Variants in CARMIL1 observed in about 807,000 individuals in gnomAD.
CARMIL1 encodes the protein capping protein regulator and myosin 1 linker 1.
A neutral mutation model predicts 177.1 loss-of-function variants in CARMIL1; 90 were observed. The observed-to-expected ratio is 0.51, with a 90% CI of 0.43 to 0.61. The LOEUF is 0.61. Among genes scored for constraint, CARMIL1 ranks in the 20% least tolerant of loss-of-function variants. The pLI, the probability that CARMIL1 is intolerant of heterozygous loss-of-function variation, is 0.00. For missense variants in CARMIL1, 1,380 were observed against 1,667.0 expected, an observed-to-expected ratio of 0.83 and a Z score of 3.00; for synonymous variants, 577 against 606.2, an observed-to-expected ratio of 0.95 and a Z score of 0.71.
At chr6:25,538,009 G>T in intron 25 of CARMIL1, 26 bp downstream of exon 25, 8 of 1,580,692 alleles carry the variant, frequency 5.1e-6, no homozygotes, top group Non-Finnish European at 6.9e-6. Context: ...GGCTGTGTGA[G>T]AGTCTGGTAT....
At chr6:25,306,503 C>G (rs1176159714) in intron 2 of CARMIL1, among the ~76,000 whole-genome samples, 2 of 152,168 alleles carry the variant, frequency 1.3e-5, no homozygotes, top group Admixed American at 6.5e-5. Context: ...CTCCTCCCCC[C>G]CACTTTTATT....
intron 2 of CARMIL1, among the ~76,000 whole-genome samples, chr6:25,334,072 A>G (rs1011824038): frequency 1.3e-5 from 2 of 152,174 alleles, no homozygotes; most frequent in African/African-American, 4.8e-5. Flanking sequence ...TCTTTCTTCA[A>G]AGACTCAGTT....
At position 25,368,012 on chromosome 6, in the gene CARMIL1, G is replaced by A. The variant is rs143101996; in HGVS notation, c.139-52102G>A. ...TGACCTCAAGTGATCTGCCTGCCTT[G>A]ACCTCCCAAAGTGTTGGGATTACAG... is the stretch of plus-strand genomic sequence containing the variant. On this transcript the variant is annotated intron_variant, in intron 2 of 36. Coordinates refer to ENST00000329474, the MANE Select transcript of CARMIL1 (RefSeq NM_017640.6). Among the ~76,000 whole-genome samples the A allele has an allele frequency of 1.5e-3, 225 of 152,272 alleles. 1 individual carries two copies. Among genetic ancestry groups the A allele is most frequent in the African/African-American group, 5.1e-3 (213 of 41,568 alleles).
At chr6:25,445,925 C>T (rs1217926372) in intron 5 of CARMIL1, among the ~76,000 whole-genome samples, 1 of 152,166 alleles carries the variant, frequency 6.6e-6, no homozygotes, top group Non-Finnish European at 1.5e-5. Context: ...ACTTCTCCAT[C>T]AGAACTCTTG....
At position 25,537,912 on chromosome 6, in the gene CARMIL1, G is replaced by T. The variant is rs41271819; in HGVS notation, c.2125G>T (p.Gly709Trp). Residue 709 changes from glycine to tryptophan, a missense_variant, in exon 25 of 37, where the codon GGG becomes TGG. Gly to Trp is a radical substitution (Grantham distance 184). Coordinates refer to ENST00000329474, the MANE Select transcript of CARMIL1 (RefSeq NM_017640.6). ...QDHLNSLRNC[G>W]GDAIQEDLKS... ...TCATCTCAACTCCTTACGAAATTGT[G>T]GGGGAGACGCTATCCAGGAAGATTT... 72 of 1,608,278 alleles carry T rather than the reference G, an allele frequency of 4.5e-5. No homozygotes were observed. Among genetic ancestry groups the T allele is most frequent in the Admixed American group, 3.2e-4 (19 of 59,284 alleles).
At chr6:25,312,923 A>C (rs1053695891) in intron 2 of CARMIL1, among the ~76,000 whole-genome samples, 5 of 151,402 alleles carry the variant, frequency 3.3e-5, no homozygotes, top group Non-Finnish European at 7.4e-5. Context: ...AAAAAAAAAA[A>C]AAAAAAAACC....
intron 2 of CARMIL1, among the ~76,000 whole-genome samples, chr6:25,365,250 G>A (rs895360927): frequency 2.6e-5 from 4 of 152,192 alleles, no homozygotes; most frequent in African/African-American, 7.2e-5. Flanking sequence ...GAGGATGGTT[G>A]TAGTATAGAG....
intron 13 of CARMIL1, among the ~76,000 whole-genome samples, chr6:25,490,166 C>G (rs1803062661): frequency 6.6e-6 from 1 of 151,996 alleles, no homozygotes; most frequent in African/African-American, 2.4e-5. Flanking sequence ...TTTACCTGAC[C>G]CTGTGCCCTC....
intron 26 of CARMIL1, among the ~76,000 whole-genome samples, chr6:25,547,743 T>C (rs181135218): frequency 3.0e-4 from 45 of 152,320 alleles, no homozygotes; most frequent in African/African-American, 9.4e-4. Context: ...TATAAATTTT[T>C]CTGGATGAGT....
chr6:25,509,672 C>T lies in CARMIL1; in HGVS notation c.1412C>T (p.Ala471Val), dbSNP rs770908546. Residue 471 changes from alanine (A) to valine (V), a missense_variant, in exon 18 of 37, where the codon GCT becomes GTT. By Grantham distance (64) the Ala-to-Val change is moderately conservative. Transcript: ENST00000329474. This position sits in a 1 kb window ranked among gnomAD's most constrained non-coding sequence, Gnocchi z 4.1. Reference protein sequence around the residue: ...LSNCELRSGGAQVLEGCIAEI... With the variant: ...LSNCELRSGGVQVLEGCIAEI... ...TTTCTCTAGCTGAGATCAGGAGGTGCTCAAGTATTAGAAGGTTGCATTGCT... is the reference window on the plus strand; with the variant it reads ...TTTCTCTAGCTGAGATCAGGAGGTGTTCAAGTATTAGAAGGTTGCATTGCT... The T allele has an allele frequency of 4.6e-5, 74 of 1,602,616 alleles. No individual in the cohort carries two copies. The highest frequency in any genetic ancestry group is 6.2e-5 in the Non-Finnish European group (73 of 1,173,998).
At chr6:25,555,714 A>C (rs1810548816) in intron 28 of CARMIL1, among the ~76,000 whole-genome samples, 1 of 151,986 alleles carries the variant, frequency 6.6e-6, no homozygotes, top group South Asian at 2.1e-4. Context: ...TCCTTTTAAA[A>C]TAAACTTATT....
intron 8 of CARMIL1, chr6:25,451,985 T>TTCCCCCCCCCCCCC: frequency 9.5e-6 from 1 of 105,384 alleles, no homozygotes; most frequent in South Asian, 8.7e-5. Context: ...ACTAGCATCT[T>TTCCCCCCCCCCCCC]GCCCCCCCCT....
intron 24 of CARMIL1, among the ~76,000 whole-genome samples, chr6:25,533,256 G>A (rs1231672810): frequency 6.6e-6 from 1 of 152,042 alleles, no homozygotes; most frequent in Non-Finnish European, 1.5e-5. Flanking sequence ...AATGTGCAGG[G>A]GCCTTTTCTC....
chr6:25,608,509 A>T (rs1382323035), intron 35 of CARMIL1, among the ~76,000 whole-genome samples: 1 of 152,182 alleles, frequency 6.6e-6, no homozygotes, highest in Non-Finnish European at 1.5e-5. Context: ...TCTAATGCTG[A>T]ATATAAAACT....
rs373424069 is a variant in CARMIL1 at position 25,619,548 on chromosome 6, G to A, written c.4081G>A (p.Gly1361Arg). 1.3e-5 allele frequency: 21 copies of A among 1,613,668 alleles called. No homozygotes were observed. Among genetic ancestry groups the A allele is most frequent in the Middle Eastern group, 1.6e-4 (1 of 6,084 alleles). Reference protein sequence around the residue: ...GHQGSKSNDSGEEAEKEFIFV With the variant: ...GHQGSKSNDSREEAEKEFIFV ...TCAAGGCAGCAAATCTAATGACTCC[G>A]GGGAAGAAGCAGAAAAAGAGTTTAT... The change falls in exon 37 of 37, where the codon GGG becomes AGG. Residue 1361 changes from glycine (G) to arginine (R), a missense_variant. Physicochemically the swap from Gly to Arg is moderately radical, Grantham distance 125. Coordinates refer to ENST00000329474, the MANE Select transcript of CARMIL1 (RefSeq NM_017640.6).
Position 25,471,187 on chromosome 6 carries a change from C to G in CARMIL1, c.709C>G (p.Gln237Glu). Residue 237 changes from glutamine (Q) to glutamate (E), a missense_variant, in exon 10 of 37, where the codon CAG becomes GAG. Coordinates refer to ENST00000329474, the MANE Select transcript of CARMIL1 (RefSeq NM_017640.6). ...GTTACAGTCCACTGATGTCTGTGAA[C>G]AGATCTTGAGGGTGGTGAGTAGGTC... ...DLKLSTDVCEQILRVVSRSNR... is the reference protein window; with the variant it reads ...DLKLSTDVCEEILRVVSRSNR... 2 of 1,611,734 alleles carry G rather than the reference C, an allele frequency of 1.2e-6. No individual in the cohort carries two copies. Among genetic ancestry groups the G allele is most frequent in the Non-Finnish European group, 1.7e-6 (2 of 1,178,684 alleles).
chr6:25,560,592 A>G (rs942806637), intron 29 of CARMIL1, among the ~76,000 whole-genome samples: 4 of 152,216 alleles, frequency 2.6e-5, no homozygotes, highest in Admixed American at 2.6e-4. Context: ...CTTCTGTTTA[A>G]CAAATGAGGA....
chr6:25,376,425 T>C (rs1216761979), intron 2 of CARMIL1, among the ~76,000 whole-genome samples: 1 of 152,230 alleles, frequency 6.6e-6, no homozygotes, highest in African/African-American at 2.4e-5. Flanking sequence ...TAGGCTATTC[T>C]AATTATTCTT....
At chr6:25,340,580 G>A (rs1034201968) in intron 2 of CARMIL1, among the ~76,000 whole-genome samples, 12 of 152,090 alleles carry the variant, frequency 7.9e-5, no homozygotes, top group African/African-American at 2.9e-4. Flanking sequence ...GTTCCATAAT[G>A]TAAGATTGAA....
Sources: gnomAD v4.1 joint callset for allele counts (sites outside exome capture counted in the v4.1 genomes callset) on GRCh38, gnomAD v4.1.1 for gene constraint, Gnocchi (gnomAD v3.1) non-coding constraint, MANE v1.5 for transcripts, NCBI Gene and HGNC (gene_info 2026-07-23, HGNC 2026-07-21) for gene names.